The following SV2B variants were observed in gnomAD, a reference collection of about 807,000 sequenced individuals.
SV2B encodes solute carrier family 22 member B2.
SV2B carries 41 observed loss-of-function variants against 73.9 expected under a neutral mutation model. That is an observed-to-expected ratio of 0.56 (90% CI 0.43 to 0.72). SV2B has a LOEUF of 0.72. Among genes scored for constraint, SV2B ranks in the 30% least tolerant of loss-of-function variants. The pLI is 0.00. For synonymous variants in SV2B, 314 were observed against 314.2 expected (o/e 1.00, Z 0.01); for missense variants, 764 against 857.8 (o/e 0.89, Z 1.37).
At position 91,220,883 on chromosome 15, in the gene SV2B, G is replaced by T. The variant is rs1425177775; in HGVS notation, c.-391-4990G>T. ...ATTTTATTTTATTTTATTTTTTTGA[G>T]ACAGGGGTCTCTCTCTTTCACCCAG... On this transcript the variant is annotated intron_variant, in intron 1 of 12. Coordinates refer to ENST00000394232, the MANE Select transcript of SV2B (RefSeq NM_001323032.3). This position sits in a 1 kb window ranked among gnomAD's most constrained non-coding sequence, Gnocchi z 4.1. 7.5e-6 allele frequency among the ~76,000 whole-genome samples: 1 copy of T among 132,810 alleles called. No individual in the cohort carries two copies. Among genetic ancestry groups the T allele is most frequent in the Admixed American group, 6.9e-5 (1 of 14,538 alleles). 87.1% of individuals were successfully genotyped at this position (132,810 alleles called of 152,430 possible).
chr15:91,260,889 G>A (rs746829677), intron 6 of SV2B, among the ~76,000 whole-genome samples: 2 of 152,218 alleles, frequency 1.3e-5, no homozygotes, highest in Non-Finnish European at 1.5e-5. Flanking sequence ...TCACTACCAT[G>A]AGAACAGTAT....
rs150480705 is a variant in SV2B, at chr15:91,226,327, G to A, written c.64G>A (p.Gly22Ser). 19 of 1,614,106 alleles carry A rather than the reference G, an allele frequency of 1.2e-5. No individual in the cohort carries two copies. The highest frequency in any genetic ancestry group is 4.0e-5 in the African/African-American group (3 of 75,000). ...TGCTCCCAGTGATGGCTATTACCGCGGCAATGAGTCCAACCCAGAAGAAGA... is the reference window on the plus strand; with the variant it reads ...TGCTCCCAGTGATGGCTATTACCGCAGCAATGAGTCCAACCCAGAAGAAGA... ...GYAPSDGYYRGNESNPEEDAQ... is the reference protein window; with the variant it reads ...GYAPSDGYYRSNESNPEEDAQ... The change falls in exon 2 of 13, where the codon GGC becomes AGC. Residue 22 changes from glycine (G) to serine (S), a missense_variant. Coordinates refer to ENST00000394232, the MANE Select transcript of SV2B (RefSeq NM_001323032.3).
intron 1 of SV2B, among the ~76,000 whole-genome samples, chr15:91,104,280 G>A (rs774961592): frequency 2.0e-5 from 3 of 152,226 alleles, no homozygotes; most frequent in Non-Finnish European, 4.4e-5. Context: ...CTGAGGGCTG[G>A]CTGCTTTAGG....
chr15:91,229,534 C>T lies in SV2B; in HGVS notation c.451+2820C>T, dbSNP rs1324340520. 1.3e-5 allele frequency among the ~76,000 whole-genome samples: 2 copies of T among 152,190 alleles called. No homozygotes were observed. Among genetic ancestry groups the T allele is most frequent in the Non-Finnish European group, 2.9e-5 (2 of 68,038 alleles). ...CCAGTTGCTTGGATTTGAATCCTTG[C>T]TGTGCCAGTTCTTAGTAGTGTGGTT... is the stretch of plus-strand genomic sequence containing the variant. On this transcript the variant is annotated intron_variant, in intron 2 of 12. Transcript: ENST00000394232. The surrounding 1 kb of genome is among the most constrained non-coding windows in gnomAD (Gnocchi z 4.3).
intron 1 of SV2B, among the ~76,000 whole-genome samples, chr15:91,196,605 G>C (rs995161147): frequency 6.6e-6 from 1 of 152,204 alleles, no homozygotes; most frequent in Non-Finnish European, 1.5e-5. Context: ...TAGGAAATCC[G>C]ACCTTGATTC....
At chr15:91,116,551 A>C (rs1375251399) in intron 1 of SV2B, among the ~76,000 whole-genome samples, 2 of 152,132 alleles carry the variant, frequency 1.3e-5, no homozygotes, top group African/African-American at 4.8e-5. Flanking sequence ...CTTGGTTAGA[A>C]TTTCCCGTGG....
intron 1 of SV2B, among the ~76,000 whole-genome samples, chr15:91,216,886 CTTTTTTTTTTT>C (rs557223668): frequency 5.0e-4 from 63 of 126,592 alleles, no homozygotes; most frequent in African/African-American, 1.9e-3. Context: ...GAATAACTAC[CTTTTTTTTTTT>C]TTTTTTTTGA....
At chr15:91,230,981 T>G (rs2046552252) in intron 2 of SV2B, among the ~76,000 whole-genome samples, 1 of 152,168 alleles carries the variant, frequency 6.6e-6, no homozygotes, top group Non-Finnish European at 1.5e-5. Context: ...TTTTTGCAAT[T>G]GCTCTATTAA....
chr15:91,222,214 GT>G (rs996497175), intron 1 of SV2B, among the ~76,000 whole-genome samples: 2 of 152,128 alleles, frequency 1.3e-5, no homozygotes, highest in African/African-American at 4.8e-5. Context: ...TTGTGGCCCT[GT>G]GTCGTCTATC....
At position 91,283,976 on chromosome 15, in the gene SV2B, G is replaced by T; in HGVS notation, c.1508-45G>T. Reference sequence around the variant, plus strand: ...CCCTGCCTCTGCCTTTCTCTCTCCAGCTCCCTTCCACTTACATGAACCGAA... The same window carrying T: ...CCCTGCCTCTGCCTTTCTCTCTCCATCTCCCTTCCACTTACATGAACCGAA... On this transcript the variant is annotated intron_variant, in intron 10 of 12. Coordinates refer to ENST00000394232, the MANE Select transcript of SV2B (RefSeq NM_001323032.3). The surrounding 1 kb of genome is among the most constrained non-coding windows in gnomAD (Gnocchi z 4.3). 2 of 1,601,650 alleles carry T rather than the reference G, an allele frequency of 1.2e-6. No homozygotes were observed. Among genetic ancestry groups the T allele is most frequent in the Non-Finnish European group, 1.7e-6 (2 of 1,169,702 alleles).
chr15:91,221,405 C>T (rs887518719), intron 1 of SV2B, among the ~76,000 whole-genome samples: 11 of 152,116 alleles, frequency 7.2e-5, no homozygotes, highest in Admixed American at 2.0e-4. Flanking sequence ...ACCAGAGTCA[C>T]TGTTGTACAT....
chr15:91,197,942 G>A lies in SV2B; in HGVS notation c.-391-27931G>A, dbSNP rs1388750222. Among the ~76,000 whole-genome samples, 2 of 152,122 alleles carry A rather than the reference G, an allele frequency of 1.3e-5. No homozygotes were observed. Among genetic ancestry groups the A allele is most frequent in the East Asian group, 3.9e-4 (2 of 5,182 alleles). The stretch of plus-strand genomic sequence containing the variant: ...CCAGCTACTTGGCAGGCTGAAGCAG[G>A]AGAATCTCTTGAACCTGGGAGGCTG... On this transcript the variant is annotated intron_variant, in intron 1 of 12. Coordinates refer to ENST00000394232, the MANE Select transcript of SV2B (RefSeq NM_001323032.3). This position sits in a 1 kb window ranked among gnomAD's most constrained non-coding sequence, Gnocchi z 4.9.
intron 1 of SV2B, among the ~76,000 whole-genome samples, chr15:91,158,402 T>C (rs1286053663): frequency 1.3e-5 from 2 of 151,988 alleles, no homozygotes; most frequent in African/African-American, 4.8e-5. Context: ...TGAGGCAATA[T>C]GTGGTTTTAT....
rs981012452 is a variant in SV2B, at chr15:91,197,378, G to A, written c.-391-28495G>A. 1.3e-5 allele frequency among the ~76,000 whole-genome samples: 2 copies of A among 151,712 alleles called. No homozygotes were observed. The highest frequency in any genetic ancestry group is 2.9e-5 in the Non-Finnish European group (2 of 67,930). ...CGAGTAGCTGGGATTACAGGGGTCC[G>A]CCACCACACCTGTTTTTATATTTTT... On this transcript the variant is annotated intron_variant, in intron 1 of 12. Transcript: ENST00000394232. The surrounding 1 kb of genome is among the most constrained non-coding windows in gnomAD (Gnocchi z 4.9).
chr15:91,282,108 GC>G (rs2048701377), intron 10 of SV2B, among the ~76,000 whole-genome samples: 1 of 152,238 alleles, frequency 6.6e-6, no homozygotes, highest in African/African-American at 2.4e-5. Flanking sequence ...AAAAGTTGTA[GC>G]CAAATGTCCT....
At chr15:91,186,063 A>G (rs950652163) in intron 1 of SV2B, among the ~76,000 whole-genome samples, 1 of 152,190 alleles carries the variant, frequency 6.6e-6, no homozygotes, top group Non-Finnish European at 1.5e-5. Context: ...GGACTATTAC[A>G]CAATGGTATT....
rs369065381 is a variant in SV2B, at chr15:91,251,957, G to A, written c.590G>A (p.Gly197Glu). Residue 197 changes from glycine to glutamate, a missense_variant, in exon 3 of 13, where the codon GGA becomes GAA. By Grantham distance (98) the Gly-to-Glu change is moderately conservative. Transcript: ENST00000394232. ...SFASLSSFVQ[G>E]YGAFLFCRLI... is the part of the protein sequence containing the mutation. ...GCCTCCCTCTCTTCCTTCGTGCAGG[G>A]ATATGGAGCCTTCCTCTTCTGCCGA... 12 of 1,613,966 alleles carry A rather than the reference G, an allele frequency of 7.4e-6. No individual in the cohort carries two copies. Among genetic ancestry groups the A allele is most frequent in the Non-Finnish European group, 1.0e-5 (12 of 1,180,022 alleles).
chr15:91,126,731 A>G (rs1280133524), intron 1 of SV2B, among the ~76,000 whole-genome samples: 1 of 152,260 alleles, frequency 6.6e-6, no homozygotes, highest in East Asian at 1.9e-4. Context: ...GTAATATACC[A>G]CATTAATGGA....
chr15:91,244,656 C>A (rs1315616668), intron 2 of SV2B, among the ~76,000 whole-genome samples: 1 of 152,150 alleles, frequency 6.6e-6, no homozygotes, highest in African/African-American at 2.4e-5. Flanking sequence ...AGTGAGAGTT[C>A]TTTGTGGGAT....
Sources: gnomAD v4.1 joint callset for allele counts (sites outside exome capture counted in the v4.1 genomes callset) on GRCh38, gnomAD v4.1.1 for gene constraint, Gnocchi (gnomAD v3.1) non-coding constraint, MANE v1.5 for transcripts, NCBI Gene and HGNC (gene_info 2026-07-23, HGNC 2026-07-21) for gene names.